The following KCNH7 variants were observed in gnomAD, a reference collection of about 807,000 sequenced individuals.
KCNH7 encodes the protein potassium voltage-gated channel subfamily H member 7.
A neutral mutation model predicts 120.8 loss-of-function variants in KCNH7; 49 were observed. That is an observed-to-expected ratio of 0.41 (90% CI 0.32 to 0.51). The LOEUF (loss-of-function observed/expected upper bound fraction) is 0.51, where lower values mean the gene tolerates loss of function less well. KCNH7 is among the 20% of genes least tolerant of loss of function. The probability of loss-of-function intolerance (pLI) is 0.38; values close to 1 mark genes in which losing one functional copy is unlikely to be tolerated. For synonymous variants in KCNH7, 547 were observed against 516.1 expected (o/e 1.06, Z -0.81); for missense variants, 1,097 against 1,446.6 (o/e 0.76, Z 3.92).
At chr2:162,688,601 T>C (rs1006168502) in intron 2 of KCNH7, among the ~76,000 whole-genome samples, 3 of 152,152 alleles carry the variant, frequency 2.0e-5, no homozygotes, top group Non-Finnish European at 2.9e-5. Context: ...CACTGAACTT[T>C]GTCCTCGATT....
intron 14 of KCNH7, 88 bp from the exon 15 acceptor site, chr2:162,373,750 A>G (rs1686053006): frequency 1.2e-6 from 1 of 830,478 alleles, no homozygotes; most frequent in Non-Finnish European, 1.7e-6. Context: ...CTACCAAGAA[A>G]CAGAATTATG....
At chr2:162,683,789 C>A (rs908504949) in intron 2 of KCNH7, among the ~76,000 whole-genome samples, 1 of 151,760 alleles carries the variant, frequency 6.6e-6, no homozygotes, top group Non-Finnish European at 1.5e-5. Context: ...TTTATAAATT[C>A]AATGCTATAC....
chr2:162,818,253 G>A (rs1360690306), intron 2 of KCNH7, among the ~76,000 whole-genome samples: 2 of 151,864 alleles, frequency 1.3e-5, no homozygotes, highest in Non-Finnish European at 1.5e-5. Flanking sequence ...TTATATTTAA[G>A]TATGTAATCT....
intron 2 of KCNH7, among the ~76,000 whole-genome samples, chr2:162,610,806 A>G (rs1311899181): frequency 1.3e-5 from 2 of 152,128 alleles, no homozygotes; most frequent in Non-Finnish European, 2.9e-5. Context: ...CGGTAGGGAG[A>G]GAAGAATGTG....
At chr2:162,513,880 T>C (rs1382993587) in intron 4 of KCNH7, among the ~76,000 whole-genome samples, 3 of 151,848 alleles carry the variant, frequency 2.0e-5, no homozygotes, top group East Asian at 3.9e-4. Flanking sequence ...TGAAAAATTT[T>C]ATTTGTAATA....
chr2:162,510,385 T>C (rs1221440458), intron 5 of KCNH7, among the ~76,000 whole-genome samples: 1 of 151,524 alleles, frequency 6.6e-6, no homozygotes, highest in Non-Finnish European at 1.5e-5. Flanking sequence ...TAGAGACAGA[T>C]GAAGGGGAAA....
intron 2 of KCNH7, among the ~76,000 whole-genome samples, chr2:162,645,292 C>T (rs1311742081): frequency 6.6e-6 from 1 of 152,014 alleles, no homozygotes; most frequent in African/African-American, 2.4e-5. Flanking sequence ...GGACTACAGG[C>T]ACGTGCCACC....
At chr2:162,525,135 A>G (rs1373198198) in intron 3 of KCNH7, among the ~76,000 whole-genome samples, 1 of 151,992 alleles carries the variant, frequency 6.6e-6, no homozygotes, top group Non-Finnish European at 1.5e-5. Context: ...GCCATGAAAG[A>G]CTAAGAATCC....
intron 2 of KCNH7, among the ~76,000 whole-genome samples, chr2:162,732,889 G>T (rs1289152790): frequency 1.3e-5 from 2 of 152,120 alleles, no homozygotes; most frequent in Non-Finnish European, 2.9e-5. Flanking sequence ...GCCAGATTTT[G>T]CCTGAAACAA....
intron 2 of KCNH7, among the ~76,000 whole-genome samples, chr2:162,772,573 G>A (rs975150950): frequency 4.6e-5 from 7 of 151,990 alleles, no homozygotes; most frequent in African/African-American, 1.4e-4. Flanking sequence ...TTGGCCACAA[G>A]TATTAAAGTC....
chr2:162,398,940 A>T (rs946103497), intron 10 of KCNH7, among the ~76,000 whole-genome samples: 9 of 151,922 alleles, frequency 5.9e-5, no homozygotes, highest in African/African-American at 2.2e-4. Flanking sequence ...TAAAATTATC[A>T]AAATATATAA....
chr2:162,502,929 G>A (rs888525953), intron 6 of KCNH7, among the ~76,000 whole-genome samples: 1 of 151,984 alleles, frequency 6.6e-6, no homozygotes, highest in African/African-American at 2.4e-5. Flanking sequence ...AAGAGTTCAA[G>A]GCATTTTTTC....
chr2:162,385,033 C>G (rs1456877295), intron 12 of KCNH7, 94 bp from the exon 13 acceptor site: 3 of 954,846 alleles, frequency 3.1e-6, no homozygotes, highest in Non-Finnish European at 4.5e-6. Context: ...TATATATAAA[C>G]TAGCTTTTTC....
intron 15 of KCNH7, among the ~76,000 whole-genome samples, chr2:162,372,615 G>T (rs1398729848): frequency 6.6e-6 from 1 of 152,062 alleles, no homozygotes; most frequent in Non-Finnish European, 1.5e-5. Flanking sequence ...TAGAAGTATT[G>T]CGTTATTTTC....
At chr2:162,789,550 G>A (rs555342721) in intron 2 of KCNH7, among the ~76,000 whole-genome samples, 14 of 151,966 alleles carry the variant, frequency 9.2e-5, no homozygotes, top group East Asian at 1.9e-4. Context: ...CAACCACAGC[G>A]GAATACATGT....
chr2:162,487,930 G>A (rs1016694399), intron 6 of KCNH7, among the ~76,000 whole-genome samples: 1 of 152,170 alleles, frequency 6.6e-6, no homozygotes, highest in Non-Finnish European at 1.5e-5. Flanking sequence ...TGTGATAAAT[G>A]TCCTCTGCCT....
At chr2:162,752,997 A>G (rs1688647927) in intron 2 of KCNH7, among the ~76,000 whole-genome samples, 4 of 143,384 alleles carry the variant, frequency 2.8e-5, no homozygotes, top group African/African-American at 8.1e-5. Context: ...AGAAAAGAAA[A>G]GAAAAGAAAA....
chr2:162,459,007 A>AAAT (rs71009358), intron 6 of KCNH7, among the ~76,000 whole-genome samples: 10,378 of 134,686 alleles, frequency 0.077, 666 homozygotes, highest in African/African-American at 0.16. Flanking sequence ...TTCTGTTTCA[A>AAAT]AATAATAATA....
chr2:162,763,571 T>C (rs568519949), intron 2 of KCNH7, among the ~76,000 whole-genome samples: 3 of 152,110 alleles, frequency 2.0e-5, no homozygotes, highest in East Asian at 3.9e-4. Context: ...GATGCATCCA[T>C]AGAGAGTAAA....
Sources: gnomAD v4.1 joint callset for allele counts (sites outside exome capture counted in the v4.1 genomes callset) on GRCh38, gnomAD v4.1.1 for gene constraint, MANE v1.5 for transcripts, NCBI Gene and HGNC (gene_info 2026-07-23, HGNC 2026-07-21) for gene names.